ZNF664: variants seen among roughly 807,000 people sequenced by gnomAD.
ZNF664 encodes zinc finger Organ of Corti 1.
A neutral mutation model predicts 18.2 loss-of-function variants in ZNF664; 10 were observed. The ratio of observed to expected loss-of-function variants is 0.55; its 90% confidence interval spans 0.34 to 0.93. The LOEUF (loss-of-function observed/expected upper bound fraction) is 0.93, where lower values mean the gene tolerates loss of function less well. Ranked by LOEUF, ZNF664 falls within the 40% of genes least tolerant of loss-of-function variation. The pLI is 0.02. For synonymous variants in ZNF664, 119 were observed against 104.2 expected, an observed-to-expected ratio of 1.14 and a Z score of -0.86; for missense variants, 193 against 319.0, an observed-to-expected ratio of 0.61 and a Z score of 3.01.
rs931263504 is a variant in ZNF664 at position 123,974,118 on chromosome 12, C to G, written c.-757+98C>G. The G allele has an allele frequency of 3.2e-6, 3 of 929,184 alleles. No homozygotes were observed. In the African/African-American group the frequency reaches 5.2e-5, roughly 16 times the overall value. The allele number at this position is 929,184 out of a possible 1,614,324, so 57.6% of individuals were successfully genotyped here. ...CTCGACTGCAGTTTTCTCACTGTCC[C>G]CGGCTTCTCATGAACTCCGTATACC... On this transcript the variant is annotated intron_variant, in intron 2 of 4. Transcript: ENST00000337815.
At chr12:124,011,504 A>G (rs760000208) in intron 4 of ZNF664, 42 bp from the exon 5 acceptor site, 101 of 800,310 alleles carry the variant, frequency 1.3e-4, no homozygotes, top group Non-Finnish European at 1.5e-4. Context: ...AGTTTTCCAG[A>G]TAAAAGCATT....
At chr12:123,979,814 C>G (rs552490753) in intron 2 of ZNF664, among the ~76,000 whole-genome samples, 10 of 143,312 alleles carry the variant, frequency 7.0e-5, no homozygotes, top group Middle Eastern at 3.5e-3. Context: ...TAGCTGGGAC[C>G]ACACACACAC....
intron 3 of ZNF664, among the ~76,000 whole-genome samples, chr12:123,997,002 G>A (rs1332651277): frequency 6.6e-6 from 1 of 152,134 alleles, no homozygotes; most frequent in Admixed American, 6.5e-5. Context: ...ACTGTTTGTG[G>A]TTTTTTTGTT....
chr12:123,996,215 T>C (rs1372258691), intron 3 of ZNF664, among the ~76,000 whole-genome samples: 1 of 152,232 alleles, frequency 6.6e-6, no homozygotes, highest in Non-Finnish European at 1.5e-5. Context: ...GAGATGCAAG[T>C]ATAGGTATTA....
chr12:124,001,818 G>A (rs1220747383), intron 3 of ZNF664, among the ~76,000 whole-genome samples: 6 of 152,254 alleles, frequency 3.9e-5, no homozygotes, highest in Non-Finnish European at 8.8e-5. Context: ...AGGCACAGAA[G>A]CTGACATAGG....
intron 2 of ZNF664, among the ~76,000 whole-genome samples, chr12:123,982,484 C>T (rs923164219): frequency 3.3e-5 from 5 of 152,164 alleles, no homozygotes; most frequent in African/African-American, 1.2e-4. Context: ...GTAAATAACA[C>T]GTGACCCCAG....
At chr12:123,979,439 C>A (rs912505675) in intron 2 of ZNF664, among the ~76,000 whole-genome samples, 3 of 152,132 alleles carry the variant, frequency 2.0e-5, no homozygotes, top group African/African-American at 7.2e-5. Flanking sequence ...ATTGTTGGGA[C>A]ATAAAATTTT....
chr12:123,979,637 A>G (rs1339392756), intron 2 of ZNF664, among the ~76,000 whole-genome samples: 1 of 152,182 alleles, frequency 6.6e-6, no homozygotes, highest in Non-Finnish European at 1.5e-5. Flanking sequence ...TGGTACCCAT[A>G]TACTGTGGAA....
intron 3 of ZNF664, among the ~76,000 whole-genome samples, chr12:124,003,932 G>T (rs757099743): frequency 6.6e-6 from 1 of 152,224 alleles, no homozygotes; most frequent in Non-Finnish European, 1.5e-5. Flanking sequence ...ACTTGGGTGC[G>T]TGTATGGATA....
In ZNF664 at chr12:124,015,043, C is replaced by T. The variant is rs2138478871; in HGVS notation, c.*2113C>T. ...TCTTTCATGTCACAATAGCGTGGAG[C>T]ATTAGAGAAAAGCCTAGACTTTTAG... On this transcript the variant is annotated 3_prime_UTR_variant, in exon 5 of 5. Coordinates refer to ENST00000337815, the MANE Select transcript of ZNF664 (RefSeq NM_152437.3). 6.0e-6 allele frequency: 1 copy of T among 167,212 alleles called. No individual in the cohort carries two copies. The highest frequency in any genetic ancestry group is 2.1e-4 in the South Asian group (1 of 4,828). The allele number at this position is 167,212 out of a possible 1,614,324, so 10.4% of individuals were successfully genotyped here.
chr12:123,984,840 C>G (rs1336553032), intron 2 of ZNF664, among the ~76,000 whole-genome samples: 1 of 151,956 alleles, frequency 6.6e-6, no homozygotes, highest in Non-Finnish European at 1.5e-5. Flanking sequence ...ATCATTCCAG[C>G]CAAGCAGGTA....
intron 2 of ZNF664, among the ~76,000 whole-genome samples, chr12:123,974,795 C>G (rs1039877662): frequency 6.6e-6 from 1 of 152,240 alleles, no homozygotes; most frequent in Admixed American, 6.5e-5. Flanking sequence ...TTTTTAACAA[C>G]TGCTGCACCA....
intron 3 of ZNF664, among the ~76,000 whole-genome samples, chr12:124,010,656 G>C (rs12824567): frequency 0.31 from 46,804 of 152,040 alleles, 7,359 homozygotes; most frequent in Middle Eastern, 0.34. Flanking sequence ...CTCATTGCCA[G>C]GTTATAACAG....
chr12:124,006,426 C>T (rs528591602), intron 3 of ZNF664, among the ~76,000 whole-genome samples: 1 of 152,312 alleles, frequency 6.6e-6, no homozygotes, highest in Admixed American at 6.5e-5. Context: ...TCCTGTACCC[C>T]CGTCTTCAGG....
intron 3 of ZNF664, among the ~76,000 whole-genome samples, chr12:123,995,451 G>A (rs533641004): frequency 6.6e-6 from 1 of 152,176 alleles, no homozygotes; most frequent in Non-Finnish European, 1.5e-5. Context: ...GGCTGATAAC[G>A]CTGCTCCATG....
chr12:123,997,435 G>A (rs1044967461), intron 3 of ZNF664, among the ~76,000 whole-genome samples: 1 of 152,196 alleles, frequency 6.6e-6, no homozygotes, highest in Non-Finnish European at 1.5e-5. Context: ...CAGCAGGGCC[G>A]TGCTCCCTTT....
intron 2 of ZNF664, among the ~76,000 whole-genome samples, chr12:123,985,622 A>G (rs1198775508): frequency 6.6e-6 from 1 of 152,238 alleles, no homozygotes; most frequent in African/African-American, 2.4e-5. Flanking sequence ...TGGTAAAATA[A>G]CTGTGTTTAA....
chr12:123,979,683 G>T (rs761983404), intron 2 of ZNF664, among the ~76,000 whole-genome samples: 2 of 152,012 alleles, frequency 1.3e-5, no homozygotes, highest in Non-Finnish European at 2.9e-5. Context: ...GGGATTTTTT[G>T]TTTGTTTTGT....
At chr12:124,002,062 G>C (rs1324981111) in intron 3 of ZNF664, among the ~76,000 whole-genome samples, 1 of 152,220 alleles carries the variant, frequency 6.6e-6, no homozygotes, top group African/African-American at 2.4e-5. Context: ...AGCAGAAAGA[G>C]GTGGTCAGAA....
Sources: gnomAD v4.1 joint callset for allele counts (sites outside exome capture counted in the v4.1 genomes callset) on GRCh38, gnomAD v4.1.1 for gene constraint, MANE v1.5 for transcripts, NCBI Gene and HGNC (gene_info 2026-07-23, HGNC 2026-07-21) for gene names.